Variants in SFMBT2 observed in about 807,000 individuals in gnomAD.
The protein encoded by SFMBT2 is scm-like with four MBT domains protein 2.
A neutral mutation model predicts 110.1 loss-of-function variants in SFMBT2; 38 were observed. The ratio of observed to expected loss-of-function variants is 0.35; its 90% CI spans 0.27 to 0.45. SFMBT2 has a LOEUF of 0.45. Among genes scored for constraint, SFMBT2 ranks in the 20% least tolerant of loss-of-function variants. The pLI is 1.00. For synonymous variants in SFMBT2, 425 were observed against 425.4 expected (o/e 1.00, Z 0.01); for missense variants, 1,011 against 1,094.9 (o/e 0.92, Z 1.08).
intron 11 of SFMBT2, among the ~76,000 whole-genome samples, chr10:7,213,652 T>C (rs1215321427): frequency 6.6e-6 from 1 of 152,168 alleles, no homozygotes; most frequent in Non-Finnish European, 1.5e-5. Context: ...TGGAGATGTT[T>C]TGCAGGGGAT....
intron 11 of SFMBT2, among the ~76,000 whole-genome samples, chr10:7,219,007 G>T (rs1317973411): frequency 6.6e-6 from 1 of 152,166 alleles, no homozygotes; most frequent in East Asian, 1.9e-4. Flanking sequence ...AACGCACTAA[G>T]TAATAAGGAT....
Position 7,172,144 on chromosome 10 carries a change from C to A in SFMBT2, c.2166G>T (p.Glu722Asp). 1 of 1,553,212 alleles carries A rather than the reference C, an allele frequency of 6.4e-7. No homozygotes were observed. The highest frequency in any genetic ancestry group is 1.2e-5 in the South Asian group (1 of 83,862). The change falls in exon 19 of 21, where the codon GAG (glutamate) becomes GAT (aspartate). Residue 722 changes from glutamate to aspartate, a missense_variant. Around this residue, in one of 2 missense-constraint regions of SFMBT2, gnomAD observed 979 missense variants for 1,016.1 expected, o/e 0.96. Transcript: ENST00000397167. This position sits in a 1 kb window ranked among gnomAD's most constrained non-coding sequence, Gnocchi z 4.6. The part of the protein sequence containing the change: ...TAGSGEESEE[E>D]DADAMDDDTA... Reference sequence around the variant, plus strand: ...TGTCATCGTCCATGGCGTCAGCGTCCTCCTCTTCACTTTCCTGGGAAGGAG... The same window carrying A: ...TGTCATCGTCCATGGCGTCAGCGTCATCCTCTTCACTTTCCTGGGAAGGAG...
intron 1 of SFMBT2, among the ~76,000 whole-genome samples, chr10:7,385,871 G>A (rs1390979855): frequency 1.3e-5 from 2 of 152,134 alleles, no homozygotes; most frequent in Admixed American, 1.3e-4. Context: ...GTGGTGGTGG[G>A]CACCTGTAGT....
At chr10:7,384,238 A>AAAAAAC (rs1554812962) in intron 1 of SFMBT2, among the ~76,000 whole-genome samples, 1 of 145,412 alleles carries the variant, frequency 6.9e-6, no homozygotes, top group African/African-American at 2.5e-5. Context: ...AAAAAAAAAA[A>AAAAAAC]CAACCACAGA....
At chr10:7,238,164 T>C (rs1390216532) in intron 9 of SFMBT2, among the ~76,000 whole-genome samples, 1 of 152,106 alleles carries the variant, frequency 6.6e-6, no homozygotes, top group Non-Finnish European at 1.5e-5. Context: ...GACTGCAGTG[T>C]TGAGAGACCC....
chr10:7,261,178 C>T (rs573258115), intron 7 of SFMBT2, among the ~76,000 whole-genome samples: 42 of 152,282 alleles, frequency 2.8e-4, no homozygotes, highest in Middle Eastern at 3.4e-3. Flanking sequence ...CCCGTGGGTG[C>T]GAATCACTAG....
chr10:7,190,280 A>T (rs1200506962), intron 15 of SFMBT2, among the ~76,000 whole-genome samples: 1 of 152,228 alleles, frequency 6.6e-6, no homozygotes, highest in Non-Finnish European at 1.5e-5. Context: ...TTTAAAAATA[A>T]ATCTAATTAG....
intron 7 of SFMBT2, among the ~76,000 whole-genome samples, chr10:7,265,660 C>A (rs970037685): frequency 6.6e-6 from 1 of 152,218 alleles, no homozygotes; most frequent in Non-Finnish European, 1.5e-5. Context: ...AACTCACCAT[C>A]CCATAAATGG....
chr10:7,330,005 C>G (rs761709336), intron 4 of SFMBT2, among the ~76,000 whole-genome samples: 7 of 152,110 alleles, frequency 4.6e-5, no homozygotes, highest in South Asian at 4.1e-4. Flanking sequence ...CTCAGAAACC[C>G]CTGAAGAAAC....
chr10:7,379,635 A>ACG (rs1845367259), intron 2 of SFMBT2, among the ~76,000 whole-genome samples: 1 of 151,974 alleles, frequency 6.6e-6, no homozygotes, highest in African/African-American at 2.4e-5. Flanking sequence ...GATTAGCCAC[A>ACG]TGGGGGTGGA....
At chr10:7,370,216 CTCCCTATAGAT>C (rs1283948877) in intron 3 of SFMBT2, 54 bp downstream of exon 3, 4 of 1,429,254 alleles carry the variant, frequency 2.8e-6, no homozygotes, top group African/African-American at 1.4e-5. Context: ...TCTCCGGCTT[CTCCCTATAGAT>C]TCCTTCCCTT....
chr10:7,385,738 G>A (rs994358196), intron 1 of SFMBT2, among the ~76,000 whole-genome samples: 10 of 152,228 alleles, frequency 6.6e-5, no homozygotes, highest in East Asian at 3.9e-4. Flanking sequence ...AGTGGCTCAC[G>A]CCTGTAATCC....
At chr10:7,352,634 G>C (rs570923733) in intron 4 of SFMBT2, among the ~76,000 whole-genome samples, 8 of 152,306 alleles carry the variant, frequency 5.3e-5, no homozygotes, top group Admixed American at 1.3e-4. Flanking sequence ...CCAGAGATTA[G>C]AGTTTCAAAT....
chr10:7,355,023 A>AT (rs34469796), intron 4 of SFMBT2, among the ~76,000 whole-genome samples: 2,049 of 152,330 alleles, frequency 0.013, 14 homozygotes, highest in Middle Eastern at 0.027. Flanking sequence ...AAAAATCTAG[A>AT]TTTTCACATA....
At chr10:7,338,700 C>T (rs1564447423) in intron 4 of SFMBT2, among the ~76,000 whole-genome samples, 1 of 152,160 alleles carries the variant, frequency 6.6e-6, no homozygotes, top group Admixed American at 6.5e-5. Flanking sequence ...GTATAAATGA[C>T]TCACGTAGTT....
At chr10:7,305,235 C>T (rs1407469475) in intron 4 of SFMBT2, among the ~76,000 whole-genome samples, 1 of 152,220 alleles carries the variant, frequency 6.6e-6, no homozygotes. Flanking sequence ...CTTCTTTCCA[C>T]GTGCAAAGTA....
intron 7 of SFMBT2, among the ~76,000 whole-genome samples, chr10:7,269,063 T>A (rs1349652035): frequency 2.0e-5 from 3 of 152,330 alleles, no homozygotes; most frequent in African/African-American, 7.2e-5. Flanking sequence ...AAAAAAGTCA[T>A]TATTTATTTT....
chr10:7,312,422 C>T (rs887265092), intron 4 of SFMBT2, among the ~76,000 whole-genome samples: 2 of 152,228 alleles, frequency 1.3e-5, no homozygotes, highest in African/African-American at 4.8e-5. Context: ...AGAAGTAAAG[C>T]ACAAGGGAGC....
At chr10:7,369,129 C>A (rs972387139) in intron 3 of SFMBT2, among the ~76,000 whole-genome samples, 12 of 152,068 alleles carry the variant, frequency 7.9e-5, no homozygotes, top group African/African-American at 2.9e-4. Flanking sequence ...GAGTTCGAGG[C>A]CAACTCAGGC....
Sources: allele counts gnomAD v4.1 joint callset (sites outside exome capture counted in the v4.1 genomes callset), GRCh38; gene constraint gnomAD v4.1.1; regional missense constraint gnomAD v4.1.1; non-coding constraint Gnocchi (gnomAD v3.1); transcripts MANE v1.5; gene names NCBI Gene and HGNC (gene_info 2026-07-23, HGNC 2026-07-21).